CAMTA1: variants seen among roughly 807,000 people sequenced by gnomAD.
The protein encoded by CAMTA1 is calmodulin-binding transcription activator 1.
Under a neutral mutation model 170.9 loss-of-function variants are expected in CAMTA1, and 27 were observed. That is an observed-to-expected ratio of 0.16 (90% CI 0.12 to 0.22). The LOEUF is 0.22. Among genes scored for constraint, CAMTA1 ranks in the 10% least tolerant of loss-of-function variants. CAMTA1 has a pLI of 1.00. For synonymous variants in CAMTA1, 833 were observed against 891.5 expected (o/e 0.93, Z 1.17); for missense variants, 1,619 against 2,217.2 (o/e 0.73, Z 5.42).
intron 6 of CAMTA1, among the ~76,000 whole-genome samples, chr1:7,476,928 A>G (rs2093429016): frequency 6.6e-6 from 1 of 152,206 alleles, no homozygotes; most frequent in Non-Finnish European, 1.5e-5. Flanking sequence ...TCTGTGCTTC[A>G]GGTCAGGCCT....
intron 3 of CAMTA1, among the ~76,000 whole-genome samples, chr1:6,942,838 G>A (rs1487281369): frequency 1.3e-5 from 2 of 152,146 alleles, no homozygotes; most frequent in African/African-American, 4.8e-5. Context: ...TGGGCAGCAC[G>A]GCCAGACACG....
chr1:7,377,612 G>C (rs1421543332), intron 5 of CAMTA1, among the ~76,000 whole-genome samples: 1 of 152,192 alleles, frequency 6.6e-6, no homozygotes, highest in Non-Finnish European at 1.5e-5. Context: ...TTAGACTAAG[G>C]ATTGACAAAC....
chr1:7,093,775 T>A lies in CAMTA1; in HGVS notation c.302+2404T>A, dbSNP rs2148160603. Among the ~76,000 whole-genome samples the A allele has an allele frequency of 6.6e-6, 1 of 152,056 alleles. No individual in the cohort carries two copies. Among genetic ancestry groups the A allele is most frequent in the South Asian group, 2.1e-4 (1 of 4,796 alleles). ...TGCCTGGCAGAAGAAGGAAGGTGGG[T>A]TTCAGATGTGGTCAAGTCCGGGTTT... On this transcript the variant is annotated intron_variant, in intron 4 of 22. Coordinates refer to ENST00000303635, the MANE Select transcript of CAMTA1 (RefSeq NM_015215.4). The surrounding 1 kb of genome is among the most constrained non-coding windows in gnomAD (Gnocchi z 4.6).
At chr1:7,166,512 A>T (rs1648469993) in intron 4 of CAMTA1, among the ~76,000 whole-genome samples, 1 of 152,154 alleles carries the variant, frequency 6.6e-6, no homozygotes, top group Admixed American at 6.5e-5. Flanking sequence ...CCATTTCTTC[A>T]CATTCCCATC....
chr1:7,451,559 T>A (rs2092825197), intron 5 of CAMTA1, among the ~76,000 whole-genome samples: 1 of 152,200 alleles, frequency 6.6e-6, no homozygotes, highest in Non-Finnish European at 1.5e-5. Flanking sequence ...ATACGCACTG[T>A]GTGCCAAGTG....
At chr1:7,608,408 C>G (rs2095501543) in intron 6 of CAMTA1, among the ~76,000 whole-genome samples, 1 of 152,224 alleles carries the variant, frequency 6.6e-6, no homozygotes, top group African/African-American at 2.4e-5. Flanking sequence ...CCAGGGAACC[C>G]TCCTCTGGAG....
intron 3 of CAMTA1, among the ~76,000 whole-genome samples, chr1:6,843,176 T>C (rs1381756992): frequency 6.6e-6 from 1 of 152,176 alleles, no homozygotes; most frequent in African/African-American, 2.4e-5. Context: ...TAGCCTAATA[T>C]GACGAAGCAG....
intron 9 of CAMTA1, among the ~76,000 whole-genome samples, chr1:7,669,531 G>C (rs12736485): frequency 0.076 from 11,561 of 152,330 alleles, 581 homozygotes; most frequent in Middle Eastern, 0.16. Flanking sequence ...CACGGAGTTG[G>C]GGGGTAGGGA....
chr1:7,761,924 G>C (rs990978614), intron 22 of CAMTA1, among the ~76,000 whole-genome samples: 1 of 152,116 alleles, frequency 6.6e-6, no homozygotes, highest in African/African-American at 2.4e-5. Context: ...GCTGAGGCAG[G>C]AGAATTGCTT....
intron 6 of CAMTA1, among the ~76,000 whole-genome samples, chr1:7,601,165 C>T (rs1214103704): frequency 5.2e-5 from 6 of 116,260 alleles, no homozygotes; most frequent in Non-Finnish European, 1.1e-4. Flanking sequence ...AGGGGGCTGA[C>T]CCCCACCTCC....
chr1:7,238,360 A>G (rs1046400568), intron 4 of CAMTA1, among the ~76,000 whole-genome samples: 10 of 152,162 alleles, frequency 6.6e-5, no homozygotes, highest in Admixed American at 6.5e-4. Context: ...GACCTTGAAA[A>G]TTTGCTTAAC....
At chr1:7,747,564 T>C in intron 18 of CAMTA1, 146 bp from the exon 19 acceptor site, 1 of 555,698 alleles carries the variant, frequency 1.8e-6, no homozygotes, top group South Asian at 2.5e-5. Context: ...AATTCATTTT[T>C]CCTCATTTAT....
chr1:7,360,812 G>A (rs1191758649), intron 5 of CAMTA1, among the ~76,000 whole-genome samples: 2 of 152,228 alleles, frequency 1.3e-5, no homozygotes, highest in Admixed American at 6.5e-5. Context: ...CTCCTGCCAC[G>A]CCTGCCACTT....
chr1:7,515,699 G>A (rs757192341), intron 6 of CAMTA1, among the ~76,000 whole-genome samples: 1 of 152,138 alleles, frequency 6.6e-6, no homozygotes, highest in African/African-American at 2.4e-5. Context: ...AGGCTCCCAA[G>A]TTCCCCTCCT....
chr1:6,895,631 C>T (rs1347997983), intron 3 of CAMTA1, among the ~76,000 whole-genome samples: 1 of 152,240 alleles, frequency 6.6e-6, no homozygotes, highest in African/African-American at 2.4e-5. Flanking sequence ...TCCCTCTAAG[C>T]ACCCTTCCCA....
intron 3 of CAMTA1, among the ~76,000 whole-genome samples, chr1:6,836,504 A>G (rs1175617810): frequency 1.3e-5 from 2 of 152,220 alleles, no homozygotes; most frequent in Non-Finnish European, 2.9e-5. Flanking sequence ...TGGAATTTAC[A>G]TTTGGGGAGA....
chr1:7,516,082 C>G (rs2094281689), intron 6 of CAMTA1, among the ~76,000 whole-genome samples: 1 of 152,234 alleles, frequency 6.6e-6, no homozygotes, highest in African/African-American at 2.4e-5. Flanking sequence ...GAACCTACCC[C>G]ACTCCCGCCT....
At chr1:7,632,399 C>G (rs562297774) in intron 6 of CAMTA1, among the ~76,000 whole-genome samples, 31 of 152,164 alleles carry the variant, frequency 2.0e-4, no homozygotes, top group African/African-American at 6.7e-4. Context: ...ATCACACGGC[C>G]TCTCTCCTTC....
intron 3 of CAMTA1, among the ~76,000 whole-genome samples, chr1:6,897,862 T>G (rs1400346234): frequency 6.6e-6 from 1 of 152,222 alleles, no homozygotes; most frequent in East Asian, 1.9e-4. Flanking sequence ...TTCCCAGCCT[T>G]AAGAGCCAAA....
Sources: allele counts gnomAD v4.1 joint callset (sites outside exome capture counted in the v4.1 genomes callset), GRCh38; gene constraint gnomAD v4.1.1; non-coding constraint Gnocchi (gnomAD v3.1); transcripts MANE v1.5; gene names NCBI Gene and HGNC (gene_info 2026-07-23, HGNC 2026-07-21).